Variants in TMEM63B observed in about 807,000 individuals in gnomAD.
TMEM63B encodes transmembrane protein 63B.
A neutral mutation model predicts 102.6 loss-of-function variants in TMEM63B; 23 were observed. The ratio of observed to expected loss-of-function variants is 0.22; its 90% CI spans 0.16 to 0.32. The LOEUF (loss-of-function observed/expected upper bound fraction) is 0.32, where lower values mean the gene tolerates loss of function less well. Among genes scored for constraint, TMEM63B ranks in the 10% least tolerant of loss-of-function variants. TMEM63B has a pLI of 1.00. For synonymous variants in TMEM63B, 444 were observed against 437.0 expected, an observed-to-expected ratio of 1.02 and a Z score of -0.20; for missense variants, 628 against 1,095.9, an observed-to-expected ratio of 0.57 and a Z score of 6.03.
chr6:44,138,748 C>A, intron 6 of TMEM63B: 1 of 427,758 alleles, frequency 2.3e-6, no homozygotes, highest in Non-Finnish European at 4.4e-6. Flanking sequence ...CCCCCCGCTT[C>A]TCTCCCTGCC....
rs141122022 is a variant in TMEM63B, at chr6:44,153,791, C to G, written c.2058C>G (p.Ala686=). 2.5e-6 allele frequency: 4 copies of G among 1,614,096 alleles called. No individual in the cohort carries two copies. The highest frequency in any genetic ancestry group is 3.4e-6 in the Non-Finnish European group (4 of 1,180,018). Residue 686 remains alanine (A), a synonymous_variant, in exon 21 of 24, where the codon GCC becomes GCG. Coordinates refer to ENST00000323267, the MANE Select transcript of TMEM63B (RefSeq NM_018426.3). ...IHSGAVNQVV[A]APILCLFWLL... ...CGGGGGCTGTGAACCAGGTGGTGGC[C>G]GCGCCCATCCTCTGCCTCTTCTGGC...
At position 44,150,008 on chromosome 6, in the gene TMEM63B, C is replaced by T. The variant is rs76602919; in HGVS notation, c.1520+43C>T. On this transcript the variant is annotated intron_variant, in intron 16 of 23. Transcript: ENST00000323267. This position sits in a 1 kb window ranked among gnomAD's most constrained non-coding sequence, Gnocchi z 4.7. ...ACACCACACCTCGCTGTGGCCTGCC[C>T]TCAATGACCCATCCTCTCTGGGCAG... 1.6e-5 allele frequency: 25 copies of T among 1,566,518 alleles called. No homozygotes were observed. Among genetic ancestry groups the T allele is most frequent in the East Asian group, 1.4e-4 (6 of 43,602 alleles).
chr6:44,148,818 T>C lies in TMEM63B; in HGVS notation c.1286T>C (p.Ile429Thr), dbSNP rs777602997. The C allele has an allele frequency of 6.2e-7, 1 of 1,614,192 alleles. No homozygotes were observed. Among genetic ancestry groups the C allele is most frequent in the Non-Finnish European group, 8.5e-7 (1 of 1,180,032 alleles). ...YWEHLSIRGF[I>T]WWLRCLVINV... ...GAGCACCTCTCCATCCGAGGCTTCA[T>C]CTGGTGGCTGCGCTGCCTGGTCATC... The change falls in exon 15 of 24, where the codon ATC becomes ACC. Residue 429 changes from isoleucine (I) to threonine (T), a missense_variant. Ile to Thr is a moderately conservative substitution (Grantham distance 89). Coordinates refer to ENST00000323267, the MANE Select transcript of TMEM63B (RefSeq NM_018426.3). This position sits in a 1 kb window ranked among gnomAD's most constrained non-coding sequence, Gnocchi z 5.1.
chr6:44,139,439 T>C, intron 6 of TMEM63B, 28 bp from the exon 7 acceptor site: 1 of 1,612,454 alleles, frequency 6.2e-7, no homozygotes, highest in Non-Finnish European at 8.5e-7. Context: ...CCTAACCTAA[T>C]TCCTTTGTCC....
In TMEM63B at chr6:44,154,149, C is replaced by T; in HGVS notation, c.2187C>T (p.Cys729=). ...TCGTCATCTGTCTCTGCCACGTCTG[C>T]TTTGGACACTTCAAATACCTCAGTG... ...ITIVICLCHV[C]FGHFKYLSAH... Residue 729 remains cysteine, a synonymous_variant, in exon 22 of 24, where the codon TGC becomes TGT. Coordinates refer to ENST00000323267, the MANE Select transcript of TMEM63B (RefSeq NM_018426.3). 6.2e-7 allele frequency: 1 copy of T among 1,614,152 alleles called. No homozygotes were observed. The highest frequency in any genetic ancestry group is 8.5e-7 in the Non-Finnish European group (1 of 1,179,992).
Position 44,152,810 on chromosome 6 carries a change from C to T in TMEM63B, c.1942+112C>T, listed in dbSNP as rs1767040875. On this transcript the variant is annotated intron_variant, in intron 20 of 23. Coordinates refer to ENST00000323267, the MANE Select transcript of TMEM63B (RefSeq NM_018426.3). The surrounding 1 kb of genome is among the most constrained non-coding windows in gnomAD (Gnocchi z 6.4). ...AGTGGACAGGGCCCGGCTGGGAGAC[C>T]GGCCCCTCGGGGCTCCCGCCCGGTC... 1.2e-5 allele frequency: 11 copies of T among 880,366 alleles called. No homozygotes were observed. Among genetic ancestry groups the T allele is most frequent in the Admixed American group, 4.7e-5 (2 of 42,162 alleles). 54.5% of individuals were successfully genotyped at this position (880,366 alleles called of 1,614,324 possible).
chr6:44,126,896 C>G (rs563443806), upstream of TMEM63B: 4 of 152,322 alleles, frequency 2.6e-5, no homozygotes, highest in Non-Finnish European at 5.9e-5. Context: ...AGAGTGAAAG[C>G]AAAAACTCAA....
chr6:44,139,737 A>G lies in TMEM63B; in HGVS notation c.580A>G (p.Thr194Ala), dbSNP rs1403014743. 1 of 1,614,148 alleles carries G rather than the reference A, an allele frequency of 6.2e-7. No homozygotes were observed. Among genetic ancestry groups the G allele is most frequent in the Non-Finnish European group, 8.5e-7 (1 of 1,180,022 alleles). ...CAATGCCTACAGCTTTGGGAGAACCACCATTGCCAACTTGAAATCAGGGTA... is the reference window on the plus strand; with the variant it reads ...CAATGCCTACAGCTTTGGGAGAACCGCCATTGCCAACTTGAAATCAGGGTA... ...ENNAYSFGRT[T>A]IANLKSGNNL... The change falls in exon 8 of 24, where the codon ACC becomes GCC. Residue 194 changes from threonine to alanine, a missense_variant. Physicochemically the swap from Thr to Ala is moderately conservative, Grantham distance 58. Coordinates refer to ENST00000323267, the MANE Select transcript of TMEM63B (RefSeq NM_018426.3).
intron 23 of TMEM63B, 28 bp downstream of exon 23, chr6:44,154,473 CCT>C: frequency 1.9e-6 from 3 of 1,612,204 alleles, no homozygotes; most frequent in Non-Finnish European, 2.5e-6. Flanking sequence ...TTGGGAGGGG[CCT>C]CTGACAGACT....
At chr6:44,127,818 C>T (rs1233085971) in intron 1 of TMEM63B, 140 bp downstream of exon 1, 1 of 151,080 alleles carries the variant, frequency 6.6e-6, no homozygotes, top group Admixed American at 6.6e-5. Context: ...CCCGCGGGAC[C>T]CAGGGGTGGC....
intron 5 of TMEM63B, 40 bp downstream of exon 5, chr6:44,136,479 A>AC: frequency 8.2e-7 from 1 of 1,213,046 alleles, no homozygotes; most frequent in Non-Finnish European, 1.1e-6. Context: ...CCCCCACCCC[A>AC]CCCCCAGGGC....
intron 9 of TMEM63B, among the ~76,000 whole-genome samples, chr6:44,140,748 G>A (rs1397411944): frequency 6.6e-6 from 1 of 152,122 alleles, no homozygotes; most frequent in African/African-American, 2.4e-5. Context: ...GCTGAAAGTA[G>A]TACCCCCTTC....
chr6:44,142,581 G>A (rs1165542480), intron 10 of TMEM63B, among the ~76,000 whole-genome samples: 6 of 152,072 alleles, frequency 3.9e-5, no homozygotes, highest in East Asian at 3.8e-4. Flanking sequence ...TATGGCAGTC[G>A]GCTTTAGGAG....
intron 1 of TMEM63B, among the ~76,000 whole-genome samples, chr6:44,133,843 TGTA>T (rs1228538174): frequency 1.3e-5 from 2 of 152,216 alleles, no homozygotes; most frequent in Admixed American, 1.3e-4. Flanking sequence ...CTCTGGGAGT[TGTA>T]GTGCTCATAA....
chr6:44,127,089 G>A (rs1356582819), upstream of TMEM63B: 2 of 151,988 alleles, frequency 1.3e-5, no homozygotes, highest in Non-Finnish European at 2.9e-5. Flanking sequence ...GCCGGCCACG[G>A]ACTTGGGGGT....
intron 21 of TMEM63B, 84 bp from the exon 22 acceptor site, chr6:44,153,989 A>C (rs1159368136): frequency 1.3e-6 from 2 of 1,556,312 alleles, no homozygotes; most frequent in Non-Finnish European, 1.8e-6. Context: ...TGGGAGAGTG[A>C]GGACTGCATT....
intron 5 of TMEM63B, among the ~76,000 whole-genome samples, chr6:44,137,060 A>G (rs1219903213): frequency 6.6e-6 from 1 of 152,232 alleles, no homozygotes; most frequent in East Asian, 1.9e-4. Context: ...AAACAAAAAA[A>G]AGAAATAATA....
chr6:44,134,162 A>G (rs1762469794), intron 1 of TMEM63B, among the ~76,000 whole-genome samples: 1 of 152,142 alleles, frequency 6.6e-6, no homozygotes, highest in African/African-American at 2.4e-5. Flanking sequence ...TTGAGTCCTC[A>G]GGCCTAAGAC....
intron 5 of TMEM63B, among the ~76,000 whole-genome samples, chr6:44,138,130 C>T (rs1161018142): frequency 6.6e-6 from 1 of 152,196 alleles, no homozygotes; most frequent in Non-Finnish European, 1.5e-5. Context: ...ATGTTGCAAA[C>T]TTATTAGCCG....
Sources: gnomAD v4.1 joint callset for allele counts (sites outside exome capture counted in the v4.1 genomes callset) on GRCh38, gnomAD v4.1.1 for gene constraint, Gnocchi (gnomAD v3.1) non-coding constraint, MANE v1.5 for transcripts, NCBI Gene and HGNC (gene_info 2026-07-23, HGNC 2026-07-21) for gene names.